Variants in SLC1A7 observed in about 807,000 individuals in gnomAD.
The protein encoded by SLC1A7 is solute carrier family 1 member 7.
In SLC1A7, 40 loss-of-function variants were observed where a neutral mutation model predicts 47.7. The observed-to-expected ratio is 0.84, with a 90% CI of 0.65 to 1.09. SLC1A7 has a LOEUF of 1.09. Ranked by LOEUF, SLC1A7 falls within the 50% of genes least tolerant of loss-of-function variation. The pLI is 0.00. For synonymous variants in SLC1A7, 323 were observed against 325.6 expected (o/e 0.99, Z 0.09); for missense variants, 746 against 769.5 (o/e 0.97, Z 0.36).
chr1:53,104,673 G>C (rs546944425), intron 4 of SLC1A7, among the ~76,000 whole-genome samples: 47 of 152,244 alleles, frequency 3.1e-4, no homozygotes, highest in South Asian at 6.2e-4. Flanking sequence ...GGAGAGACGC[G>C]GCGATATGCC....
intron 2 of SLC1A7, among the ~76,000 whole-genome samples, chr1:53,119,294 A>C (rs570319052): frequency 1.3e-5 from 2 of 152,336 alleles, no homozygotes; most frequent in South Asian, 4.1e-4. Flanking sequence ...TCTGTGGCAC[A>C]AACCTGGTTT....
At chr1:53,110,872 C>A (rs1257950134) in intron 3 of SLC1A7, among the ~76,000 whole-genome samples, 1 of 152,078 alleles carries the variant, frequency 6.6e-6, no homozygotes, top group Non-Finnish European at 1.5e-5. Flanking sequence ...GCTTGCTGGG[C>A]ACATTCTCCC....
At chr1:53,132,880 C>A (rs1644955603) in intron 2 of SLC1A7, among the ~76,000 whole-genome samples, 1 of 152,076 alleles carries the variant, frequency 6.6e-6, no homozygotes, top group Non-Finnish European at 1.5e-5. Context: ...TGTGAAACAT[C>A]CAAGTGGAGA....
At chr1:53,132,415 C>T (rs12076660) in intron 2 of SLC1A7, among the ~76,000 whole-genome samples, 61,337 of 151,796 alleles carry the variant, frequency 0.4, 12,970 homozygotes, top group African/African-American at 0.53. Flanking sequence ...GTGGATGGGG[C>T]TGTGGGGTTG....
chr1:53,092,413 G>GTCTTGTTACCT (rs1257987285), intron 7 of SLC1A7, 141 bp downstream of exon 7: 31 of 672,810 alleles, frequency 4.6e-5, no homozygotes, highest in Non-Finnish European at 5.2e-6. Flanking sequence ...TGTTACCCCA[G>GTCTTGTTACCT]CACCAGCCGT....
intron 7 of SLC1A7, 74 bp from the exon 8 acceptor site, chr1:53,090,880 C>A: frequency 6.4e-7 from 1 of 1,552,422 alleles, no homozygotes; most frequent in Non-Finnish European, 8.7e-7. Flanking sequence ...GGAAGCTCAC[C>A]CCTCCCCAGG....
At chr1:53,142,286 G>A in intron 1 of SLC1A7, 29 bp downstream of exon 1, 2 of 1,548,732 alleles carry the variant, frequency 1.3e-6, no homozygotes, top group Non-Finnish European at 1.7e-6. Context: ...CTCCTGGACA[G>A]GGGTCCCGAG....
chr1:53,141,732 C>T (rs778159385), intron 1 of SLC1A7, among the ~76,000 whole-genome samples: 12 of 151,810 alleles, frequency 7.9e-5, no homozygotes, highest in Non-Finnish European at 1.5e-4. Context: ...TGCCCCTTCT[C>T]GGCCCCCTGC....
chr1:53,102,112 C>T (rs1437486570), intron 5 of SLC1A7, among the ~76,000 whole-genome samples: 1 of 152,238 alleles, frequency 6.6e-6, no homozygotes, highest in Non-Finnish European at 1.5e-5. Context: ...TTGGGGACTG[C>T]TTGTCAGATG....
At chr1:53,095,959 C>T (rs1644483656) in intron 5 of SLC1A7, among the ~76,000 whole-genome samples, 1 of 148,718 alleles carries the variant, frequency 6.7e-6, no homozygotes, top group Non-Finnish European at 1.5e-5. Context: ...CACACCACCT[C>T]GGTGCATTCA....
intron 5 of SLC1A7, among the ~76,000 whole-genome samples, chr1:53,096,614 ACAC>A (rs1644495355): frequency 6.7e-6 from 1 of 149,606 alleles, no homozygotes; most frequent in African/African-American, 2.5e-5. Context: ...GTAAACTTAC[ACAC>A]CACTTCAGTA....
intron 2 of SLC1A7, among the ~76,000 whole-genome samples, chr1:53,117,361 G>A (rs1444489736): frequency 6.6e-6 from 1 of 152,168 alleles, no homozygotes; most frequent in East Asian, 1.9e-4. Flanking sequence ...AGAATTTGCT[G>A]GATGTCTAGA....
At chr1:53,128,776 A>G (rs1620182) in intron 2 of SLC1A7, among the ~76,000 whole-genome samples, 141,186 of 141,760 alleles carry the variant, frequency 1, 70,401 homozygotes, top group Middle Eastern at 1. Context: ...AGATGGAAGA[A>G]GCCATCCAAG....
chr1:53,107,153 T>TA (rs11417607), intron 3 of SLC1A7, among the ~76,000 whole-genome samples: 5,211 of 24,280 alleles, frequency 0.21, 1,093 homozygotes, highest in East Asian at 0.35. Flanking sequence ...AGACTCTGAC[T>TA]AAAAAAAAAA....
intron 4 of SLC1A7, 109 bp downstream of exon 4, chr1:53,105,623 C>A (rs997844789): frequency 2.3e-6 from 2 of 888,654 alleles, no homozygotes; most frequent in African/African-American, 1.6e-5. Context: ...CAGCAGACAG[C>A]GTGACTGGCC....
intron 3 of SLC1A7, among the ~76,000 whole-genome samples, chr1:53,106,188 C>T (rs1044016977): frequency 6.6e-6 from 1 of 152,064 alleles, no homozygotes; most frequent in African/African-American, 2.4e-5. Flanking sequence ...TGTCTGCCTC[C>T]CCCATATAGT....
In SLC1A7 at chr1:53,088,061, G is replaced by C; in HGVS notation, c.1631C>G (p.Ala544Gly). 6.2e-7 allele frequency: 1 copy of C among 1,601,200 alleles called. No individual in the cohort carries two copies. The highest frequency in any genetic ancestry group is 8.5e-7 in the Non-Finnish European group (1 of 1,172,008). The stretch of plus-strand genomic sequence containing the variant: ...CTGGATGGTGCAGTGGTTCAGACTC[G>C]CAGCGGGCAGCTCCTCATCCTGCTC... ...QVEQDEELPA[A>G]SLNHCTIQIS... Residue 544 changes from alanine to glycine, a missense_variant, in exon 11 of 11, where the codon GCG becomes GGG. Physicochemically the swap from Ala to Gly is moderately conservative, Grantham distance 60. Coordinates refer to ENST00000371494, the MANE Select transcript of SLC1A7 (RefSeq NM_006671.6).
At chr1:53,102,048 G>A (rs1366958320) in intron 5 of SLC1A7, among the ~76,000 whole-genome samples, 1 of 152,214 alleles carries the variant, frequency 6.6e-6, no homozygotes, top group Admixed American at 6.5e-5. Context: ...CGGTTCTTTT[G>A]TTCTGCCAGT....
Position 53,088,938 on chromosome 1 carries a change from A to G in SLC1A7, c.1403T>C (p.Leu468Pro), listed in dbSNP as rs762781310. ...TATATGGGCCATGATCCCCGCTGCCAGCGCATCACCCAGCACGTTAATCAT... is the reference window on the plus strand; with the variant it reads ...TATATGGGCCATGATCCCCGCTGCCGGCGCATCACCCAGCACGTTAATCAT... ...RTMINVLGDA[L>P]AAGIMAHICR... The change falls in exon 10 of 11, where the codon CTG becomes CCG. Residue 468 changes from leucine to proline, a missense_variant. Leu to Pro is a moderately conservative substitution (Grantham distance 98). Coordinates refer to ENST00000371494, the MANE Select transcript of SLC1A7 (RefSeq NM_006671.6). The G allele has an allele frequency of 7.4e-6, 12 of 1,614,032 alleles. No homozygotes were observed. The highest frequency in any genetic ancestry group is 1.7e-5 in the Admixed American group (1 of 60,016).
Sources: gnomAD v4.1 joint callset for allele counts (sites outside exome capture counted in the v4.1 genomes callset) on GRCh38, gnomAD v4.1.1 for gene constraint, MANE v1.5 for transcripts, NCBI Gene and HGNC (gene_info 2026-07-23, HGNC 2026-07-21) for gene names.